DMD: variants seen among roughly 807,000 people sequenced by gnomAD.
DMD encodes mutant dystrophin.
In DMD, 63 loss-of-function variants were observed where a neutral mutation model predicts 330.1. The ratio of observed to expected loss-of-function variants is 0.19; its 90% CI spans 0.16 to 0.24. DMD has a LOEUF of 0.24. Among genes scored for constraint, DMD ranks in the 10% least tolerant of loss-of-function variants. DMD has a pLI of 1.00. For synonymous variants in DMD, 1,223 were observed against 959.8 expected (o/e 1.27, Z -5.07); for missense variants, 3,344 against 2,684.1 (o/e 1.25, Z -5.43).
intron 49 of DMD, among the ~76,000 whole-genome samples, chrX:31,836,511 T>C (rs759738948): frequency 1.8e-4 from 20 of 112,592 alleles, no homozygotes; most frequent in African/African-American, 6.4e-4. Flanking sequence ...TTTAAAGCAA[T>C]GACTCGTTAA....
chrX:31,774,282 A>C (rs2090524291), intron 50 of DMD, 90 bp from the exon 51 acceptor site: 1 of 613,713 alleles, frequency 1.6e-6, no homozygotes, highest in Admixed American at 3.1e-5. Context: ...AATAACAATA[A>C]GTCAAATTTA....
intron 43 of DMD, among the ~76,000 whole-genome samples, chrX:32,257,751 G>A (rs1230737873): frequency 9.0e-6 from 1 of 111,470 alleles, no homozygotes; most frequent in East Asian, 2.8e-4. Flanking sequence ...CAGGACACAA[G>A]TACGGGGAAA....
chrX:32,349,089 T>C (rs2097773247), intron 37 of DMD, among the ~76,000 whole-genome samples: 1 of 111,536 alleles, frequency 9.0e-6, no homozygotes, highest in Non-Finnish European at 1.9e-5. Flanking sequence ...GTGATGCAAA[T>C]AAATTCAAAC....
intron 17 of DMD, among the ~76,000 whole-genome samples, chrX:32,519,664 T>C (rs1040234116): frequency 1.8e-4 from 20 of 112,036 alleles, no homozygotes; most frequent in African/African-American, 4.5e-4. Context: ...TTAAAACTTC[T>C]AGGAATTTTT....
At chrX:31,494,856 A>C (rs1157416291) in intron 57 of DMD, among the ~76,000 whole-genome samples, 2 of 112,104 alleles carry the variant, frequency 1.8e-5, no homozygotes, top group Non-Finnish European at 3.8e-5. Flanking sequence ...CTCCTAGTGC[A>C]CATGTCCAGT....
chrX:31,713,264 C>A (rs2084778854), intron 52 of DMD, among the ~76,000 whole-genome samples: 1 of 85,566 alleles, frequency 1.2e-5, no homozygotes, highest in Admixed American at 1.4e-4. Context: ...ATATGTTCCA[C>A]AATTACTTCA....
chrX:32,276,721 A>G (rs963465532), intron 43 of DMD, among the ~76,000 whole-genome samples: 1 of 110,726 alleles, frequency 9.0e-6, no homozygotes, highest in Non-Finnish European at 1.9e-5. Flanking sequence ...GGAGTTCGAG[A>G]CCAGCCTGGC....
intron 7 of DMD, among the ~76,000 whole-genome samples, chrX:32,737,644 AC>A (rs1193655169): frequency 8.9e-6 from 1 of 112,079 alleles, no homozygotes; most frequent in Non-Finnish European, 1.9e-5. Context: ...ATAATACTGC[AC>A]ACACCATTTT....
intron 7 of DMD, among the ~76,000 whole-genome samples, chrX:32,731,853 A>G (rs187293733): frequency 0.017 from 1,882 of 111,947 alleles, 44 homozygotes; most frequent in African/African-American, 0.058. Context: ...AAAGCAGAGC[A>G]CCTCTCCTCC....
intron 42 of DMD, among the ~76,000 whole-genome samples, chrX:32,293,189 G>T (rs932828949): frequency 1.3e-4 from 15 of 112,471 alleles, no homozygotes; most frequent in African/African-American, 4.8e-4. Flanking sequence ...TACTTATCTG[G>T]AGGAATGCAG....
At chrX:32,721,706 T>C (rs2066335037) in intron 7 of DMD, among the ~76,000 whole-genome samples, 1 of 111,256 alleles carries the variant, frequency 9.0e-6, no homozygotes, top group Non-Finnish European at 1.9e-5. Flanking sequence ...GTTCCACTAG[T>C]TTATTTTTGT....
At chrX:31,502,099 C>T (rs771382230) in intron 56 of DMD, among the ~76,000 whole-genome samples, 1 of 111,341 alleles carries the variant, frequency 9.0e-6, no homozygotes, top group African/African-American at 3.3e-5. Context: ...CTATCTCTCA[C>T]CATATACAAA....
chrX:31,216,789 C>T (rs1333954974), intron 64 of DMD, among the ~76,000 whole-genome samples: 2 of 111,763 alleles, frequency 1.8e-5, no homozygotes, highest in Non-Finnish European at 3.8e-5. Flanking sequence ...GGTGCATTTA[C>T]AGAGAAGGCG....
intron 25 of DMD, among the ~76,000 whole-genome samples, chrX:32,459,411 T>C (rs2098374892): frequency 9.0e-6 from 1 of 111,051 alleles, no homozygotes; most frequent in Non-Finnish European, 1.9e-5. Context: ...ACCAAGCATT[T>C]TAGGGATGGG....
chrX:32,158,839 G>C (rs762708125), intron 44 of DMD, among the ~76,000 whole-genome samples: 1 of 111,810 alleles, frequency 8.9e-6, no homozygotes, highest in Non-Finnish European at 1.9e-5. Flanking sequence ...GCTGGCTGTC[G>C]ACATTAACAT....
chrX:33,239,424 A>G (rs1164589510), intron 1 of DMD, among the ~76,000 whole-genome samples: 1 of 104,642 alleles, frequency 9.6e-6, no homozygotes, highest in African/African-American at 3.3e-5. Flanking sequence ...ACAAGAAACA[A>G]AGCTAAGGAC....
intron 44 of DMD, among the ~76,000 whole-genome samples, chrX:32,181,086 C>T (rs1231760976): frequency 8.9e-6 from 1 of 111,839 alleles, no homozygotes. Flanking sequence ...TCATCTTCCA[C>T]GAGTGAAAGC....
chrX:32,044,558 A>C lies in DMD; in HGVS notation c.6439-76044T>G, dbSNP rs954499135. Among the ~76,000 whole-genome samples, 17 of 110,314 alleles carry C rather than the reference A, an allele frequency of 1.5e-4. No homozygotes were observed. The East Asian group carries it at 2.6e-3, about 17-fold the overall frequency. ...TGCCTCAGCCTCCCAAGTAGCTGAG[A>C]CTACAGGTGCCTGCCACCATGCCCA... On this transcript the variant is annotated intron_variant, in intron 44 of 78. Transcript: ENST00000357033.
chrX:32,778,265 G>A (rs1174894857), intron 7 of DMD, among the ~76,000 whole-genome samples: 1 of 106,203 alleles, frequency 9.4e-6, no homozygotes. Context: ...AAAAAAATAT[G>A]GACTTTCGTC....
Sources: gnomAD v4.1 joint callset for allele counts (sites outside exome capture counted in the v4.1 genomes callset) on GRCh38, gnomAD v4.1.1 for gene constraint, MANE v1.5 for transcripts, NCBI Gene and HGNC (gene_info 2026-07-23, HGNC 2026-07-21) for gene names.